SHROOM4: variants seen among roughly 807,000 people sequenced by gnomAD.
SHROOM4 encodes the protein protein Shroom4.
In SHROOM4, 17 loss-of-function variants were observed where a neutral mutation model predicts 80.3. That is an observed-to-expected ratio of 0.21 (90% CI 0.14 to 0.32). The LOEUF (loss-of-function observed/expected upper bound fraction) is 0.32, where lower values mean the gene tolerates loss of function less well. Ranked by LOEUF, SHROOM4 falls within the 10% of genes least tolerant of loss-of-function variation. The pLI, the probability that SHROOM4 is intolerant of heterozygous loss-of-function variation, is 1.00. For synonymous variants in SHROOM4, 400 were observed against 437.5 expected (o/e 0.91, Z 1.07); for missense variants, 993 against 1,140.3 (o/e 0.87, Z 1.86).
In SHROOM4 at chrX:50,717,269, G is replaced by C. The variant is rs781789419; in HGVS notation, c.118-21332C>G. On this transcript the variant is annotated intron_variant, in intron 1 of 8. Coordinates refer to ENST00000376020, the MANE Select transcript of SHROOM4 (RefSeq NM_020717.5). Reference sequence around the variant, plus strand: ...AGTCTTGCTCCATCACCAGGCTGCAGTGCATTGGTGCGATCTCAGCTCACT... The same window carrying C: ...AGTCTTGCTCCATCACCAGGCTGCACTGCATTGGTGCGATCTCAGCTCACT... 2.0e-4 allele frequency among the ~76,000 whole-genome samples: 22 copies of C among 111,907 alleles called. 1 individual carries two copies. In the South Asian group the frequency reaches 7.2e-3, roughly 37 times the overall value.
intron 3 of SHROOM4, among the ~76,000 whole-genome samples, chrX:50,636,189 G>C (rs1425476651): frequency 4.1e-4 from 45 of 110,978 alleles, no homozygotes; most frequent in African/African-American, 1.4e-3. Context: ...TAGAGCTTTA[G>C]GTCTCGGTGA....
At chrX:50,794,902 GTA>G (rs60153784) in intron 1 of SHROOM4, among the ~76,000 whole-genome samples, 6,112 of 92,478 alleles carry the variant, frequency 0.066, 533 homozygotes, top group African/African-American at 0.23. Context: ...GTATAAATGT[GTA>G]TATATATATA....
Position 50,607,745 on chromosome X carries a change from C to T in SHROOM4, c.3397G>A (p.Glu1133Lys), listed in dbSNP as rs868915209. 8 of 1,174,346 alleles carry T rather than the reference C, an allele frequency of 6.8e-6. No homozygotes were observed. In the Admixed American group the frequency reaches 1.1e-4, roughly 17 times the overall value. ...QQQQQQKQQE[E>K]EEEEEEEEEE... ...TCTTCTTCTTCCTCCTCCTCCTCCT[C>T]CTCCTGTTGCTTCTGCTGCTGCTGT... is the stretch of plus-strand genomic sequence containing the variant. Residue 1133 changes from glutamate (E) to lysine (K), a missense_variant, in exon 6 of 9, where the codon GAG becomes AAG. Glu to Lys is a moderately conservative substitution (Grantham distance 56, BLOSUM62 1). Transcript: ENST00000376020.
At chrX:50,605,584 G>T (rs1400180793) in intron 6 of SHROOM4, among the ~76,000 whole-genome samples, 1 of 112,744 alleles carries the variant, frequency 8.9e-6, no homozygotes, top group Non-Finnish European at 1.9e-5. Flanking sequence ...ACCAGGGCTT[G>T]TAACTGCTGC....
rs1933897704 is a variant in SHROOM4, at chrX:50,714,445, C to T, written c.118-18508G>A. Among the ~76,000 whole-genome samples, 6 of 111,338 alleles carry T rather than the reference C, an allele frequency of 5.4e-5. No homozygotes were observed. The Admixed American group carries it at 5.8e-4, about 11-fold the overall frequency. On this transcript the variant is annotated intron_variant, in intron 1 of 8. Transcript: ENST00000376020. ...AAAGTATCTTGAGATGTTACCAACA[C>T]AGAAATAATAAATACTTAAGGTATG...
At chrX:50,604,376 A>T (rs936481846) in intron 6 of SHROOM4, among the ~76,000 whole-genome samples, 1 of 112,025 alleles carries the variant, frequency 8.9e-6, no homozygotes, top group Non-Finnish European at 1.9e-5. Flanking sequence ...AGGTCACCAG[A>T]CATTAAATGA....
chrX:50,760,375 C>T (rs1456235246), intron 1 of SHROOM4, among the ~76,000 whole-genome samples: 2 of 101,652 alleles, frequency 2.0e-5, no homozygotes, highest in Non-Finnish European at 4.0e-5. Flanking sequence ...GTCACCCAGG[C>T]TAGAGTGCAT....
intron 1 of SHROOM4, among the ~76,000 whole-genome samples, chrX:50,728,863 G>A (rs782033688): frequency 8.9e-6 from 1 of 111,842 alleles, no homozygotes; most frequent in South Asian, 3.8e-4. Flanking sequence ...ACCCAAGGGT[G>A]ACCCCTAAGA....
At chrX:50,776,679 C>CT (rs781943189) in intron 1 of SHROOM4, among the ~76,000 whole-genome samples, 1 of 110,591 alleles carries the variant, frequency 9.0e-6, no homozygotes, top group South Asian at 3.9e-4. Flanking sequence ...TCTCTAAAGA[C>CT]TTTTTTTCTT....
intron 2 of SHROOM4, among the ~76,000 whole-genome samples, chrX:50,669,390 T>C (rs782004010): frequency 1.8e-5 from 2 of 111,538 alleles, no homozygotes; most frequent in African/African-American, 3.3e-5. Context: ...CTGCGGTCTC[T>C]ACCTCCCTGG....
chrX:50,640,288 G>A (rs373703411), intron 2 of SHROOM4, among the ~76,000 whole-genome samples: 4 of 110,930 alleles, frequency 3.6e-5, no homozygotes, highest in African/African-American at 1.3e-4. Context: ...TTTAAAGTGC[G>A]GGCAGTCAGC....
chrX:50,719,786 G>A (rs915663940), intron 1 of SHROOM4, among the ~76,000 whole-genome samples: 5 of 112,444 alleles, frequency 4.4e-5, no homozygotes, highest in Middle Eastern at 4.6e-3. Context: ...ATGTGTGTGC[G>A]TGTGTGTCTG....
chrX:50,633,376 A>G lies in SHROOM4; in HGVS notation c.2697T>C (p.Asp899=). The G allele has an allele frequency of 1.7e-6, 2 of 1,212,020 alleles. No homozygotes were observed. Among genetic ancestry groups the G allele is most frequent in the African/African-American group, 1.7e-5 (1 of 57,877 alleles). The change falls in exon 4 of 9, where the codon GAT becomes GAC. Residue 899 remains aspartate, a synonymous_variant. Transcript: ENST00000376020. ...TTTCCCCAGAACAATAAATGCAAGG[A>G]TCATGGACTAGAGCTCCTTGAACAC... ...SCSVQGALVH[D]PCIYCSGEIC... is the part of the protein sequence containing the mutation.
rs782516917 is a variant in SHROOM4 at position 50,608,095 on chromosome X, C to T, written c.3047G>A (p.Arg1016Gln). ...ENPALDLSSYRAISSLDLLGD... is the reference protein window; with the variant it reads ...ENPALDLSSYQAISSLDLLGD... ...AAGGAGGTCAAGAGAAGAAATTGCT[C>T]GGTAGCTTGACAAGTCCAGTGCTGG... The change falls in exon 6 of 9, where the codon CGA (arginine) becomes CAA (glutamine). Residue 1016 changes from arginine (R) to glutamine (Q), a missense_variant. Physicochemically the swap from Arg to Gln is conservative, Grantham distance 43. Transcript: ENST00000376020. 8.3e-6 allele frequency: 10 copies of T among 1,209,281 alleles called. No individual in the cohort carries two copies. In the East Asian group the frequency reaches 8.9e-5, roughly 11 times the overall value.
At chrX:50,586,120 C>T (rs1928754291), downstream of SHROOM4, among the ~76,000 whole-genome samples, 1 of 111,791 alleles carries the variant, frequency 8.9e-6, no homozygotes, top group Admixed American at 9.5e-5. Context: ...GACTTCTAAA[C>T]AGTAGCTGTT....
intron 1 of SHROOM4, among the ~76,000 whole-genome samples, chrX:50,705,989 TACACACACACAC>T (rs56363612): frequency 3.9e-4 from 29 of 74,384 alleles, no homozygotes; most frequent in African/African-American, 1.0e-3. Flanking sequence ...TCTCATCCTC[TACACACACACAC>T]ACACACACAC....
At chrX:50,789,695 C>T (rs781857685) in intron 1 of SHROOM4, among the ~76,000 whole-genome samples, 1 of 111,976 alleles carries the variant, frequency 8.9e-6, no homozygotes, top group East Asian at 2.8e-4. Context: ...AAAAGATCAA[C>T]AAAATGAAGT....
chrX:50,686,760 T>C (rs782657342), intron 2 of SHROOM4, among the ~76,000 whole-genome samples: 5 of 111,651 alleles, frequency 4.5e-5, no homozygotes, highest in African/African-American at 6.5e-5. Context: ...TCACACAACC[T>C]GTAGGGGTCG....
chrX:50,708,700 T>C (rs1171094998), intron 1 of SHROOM4, among the ~76,000 whole-genome samples: 1 of 112,082 alleles, frequency 8.9e-6, no homozygotes, highest in Admixed American at 9.5e-5. Flanking sequence ...CTAAGCTGCT[T>C]TCCTATGGCA....
Sources: gnomAD v4.1 joint callset for allele counts (sites outside exome capture counted in the v4.1 genomes callset) on GRCh38, gnomAD v4.1.1 for gene constraint, MANE v1.5 for transcripts, NCBI Gene and HGNC (gene_info 2026-07-23, HGNC 2026-07-21) for gene names.